PTPRT: variants seen among roughly 807,000 people sequenced by gnomAD.
PTPRT encodes protein tyrosine phosphatase receptor type T, also known as receptor-type tyrosine-protein phosphatase T.
PTPRT carries 56 observed loss-of-function variants against 176.8 expected under a neutral mutation model. That is an observed-to-expected ratio of 0.32 (90% CI 0.26 to 0.40). The LOEUF is 0.40. Among genes scored for constraint, PTPRT ranks in the 10% least tolerant of loss-of-function variants. PTPRT has a pLI of 1.00. For missense variants in PTPRT, 1,540 were observed against 1,908.2 expected (o/e 0.81, Z 3.60); for synonymous variants, 783 against 739.0 (o/e 1.06, Z -0.96).
chr20:42,883,540 T>C (rs2079037595), intron 2 of PTPRT, among the ~76,000 whole-genome samples: 1 of 151,824 alleles, frequency 6.6e-6, no homozygotes, highest in Non-Finnish European at 1.5e-5. Context: ...TTTGGAGATG[T>C]TGAGCTTGGA....
intron 1 of PTPRT, among the ~76,000 whole-genome samples, chr20:42,949,561 G>A (rs1301357674): frequency 2.6e-5 from 4 of 152,194 alleles, no homozygotes; most frequent in African/African-American, 9.7e-5. Context: ...GGATTCATTT[G>A]AGCTGGCCAG....
At chr20:42,838,842 C>G (rs2078227045) in intron 2 of PTPRT, among the ~76,000 whole-genome samples, 1 of 152,146 alleles carries the variant, frequency 6.6e-6, no homozygotes, top group Non-Finnish European at 1.5e-5. Flanking sequence ...CCAGCCGTGT[C>G]CCCCGCTCAT....
At chr20:42,314,884 G>T (rs2057693115) in intron 12 of PTPRT, among the ~76,000 whole-genome samples, 1 of 152,006 alleles carries the variant, frequency 6.6e-6, no homozygotes, top group Non-Finnish European at 1.5e-5. Flanking sequence ...CTACCTCAGA[G>T]ATAAATGAGT....
At chr20:43,186,930 G>T (rs958160278) in intron 1 of PTPRT, among the ~76,000 whole-genome samples, 4 of 152,174 alleles carry the variant, frequency 2.6e-5, no homozygotes, top group African/African-American at 9.7e-5. Flanking sequence ...ACTAGTAAAT[G>T]AATTCATTAT....
At chr20:42,333,012 T>C (rs1342770648) in intron 11 of PTPRT, among the ~76,000 whole-genome samples, 1 of 152,250 alleles carries the variant, frequency 6.6e-6, no homozygotes, top group Non-Finnish European at 1.5e-5. Context: ...AGTTTACTGA[T>C]ATTTCATTGC....
At chr20:42,104,505 T>C (rs920983320) in intron 25 of PTPRT, 64 bp downstream of exon 25, 33 of 1,490,408 alleles carry the variant, frequency 2.2e-5, no homozygotes, top group Middle Eastern at 1.7e-4. Context: ...ACCCAATCTA[T>C]GGAAATTTGT....
Position 43,122,850 on chromosome 20 carries a change from T to TTTG in PTPRT, c.88+66793_88+66795dup, listed in dbSNP as rs533341655. On this transcript the variant is annotated intron_variant, in intron 1 of 30. Transcript: ENST00000373187. ...CAGGCCCAGGTTTTGTTTTGTTTTG[T>TTTG]TTGTTGTTGTTGTTGTTTTTGAGAT... is the stretch of plus-strand genomic sequence containing the variant. Among the ~76,000 whole-genome samples, 24 of 152,236 alleles carry TTTG rather than the reference T, an allele frequency of 1.6e-4. No individual in the cohort carries two copies. The South Asian group carries it at 3.5e-3, about 22-fold the overall frequency.
chr20:43,121,890 T>C (rs75013301), intron 1 of PTPRT, among the ~76,000 whole-genome samples: 2,806 of 152,292 alleles, frequency 0.018, 74 homozygotes, highest in African/African-American at 0.062. Flanking sequence ...TCATCTCACA[T>C]AAAGTGTTCT....
intron 11 of PTPRT, among the ~76,000 whole-genome samples, chr20:42,317,029 C>T (rs2057730817): frequency 6.6e-6 from 1 of 152,182 alleles, no homozygotes; most frequent in African/African-American, 2.4e-5. Context: ...ATTCTCCACC[C>T]CCACCCCATA....
At chr20:42,177,117 G>A (rs1225970616) in intron 16 of PTPRT, among the ~76,000 whole-genome samples, 1 of 152,190 alleles carries the variant, frequency 6.6e-6, no homozygotes, top group African/African-American at 2.4e-5. Flanking sequence ...TTAGACCAAT[G>A]CTTCTCAAGG....
intron 4 of PTPRT, among the ~76,000 whole-genome samples, chr20:42,775,091 G>A (rs1248463277): frequency 1.3e-5 from 2 of 152,144 alleles, no homozygotes; most frequent in Non-Finnish European, 2.9e-5. Flanking sequence ...TCGGCTCGTG[G>A]TTCTAAGCAT....
chr20:42,360,342 G>A (rs2058416422), intron 9 of PTPRT, among the ~76,000 whole-genome samples: 3 of 152,160 alleles, frequency 2.0e-5, no homozygotes, highest in African/African-American at 7.2e-5. Flanking sequence ...TCACATGAGA[G>A]GGATATTCTG....
intron 12 of PTPRT, among the ~76,000 whole-genome samples, chr20:42,300,665 G>A (rs919376675): frequency 6.6e-6 from 1 of 151,682 alleles, no homozygotes; most frequent in East Asian, 1.9e-4. Context: ...GGGGAGAAAG[G>A]AGAACTCATC....
the PTPRT span, among the ~76,000 whole-genome samples, chr20:42,040,778 C>A: frequency 0.015 from 2,313 of 152,310 alleles, 30 homozygotes; most frequent in Middle Eastern, 0.054. Context: ...AAATGCCTTT[C>A]TCACATGCTG....
In PTPRT at chr20:43,001,855, A is replaced by AAAAC. The variant is rs142757616; in HGVS notation, c.89-115927_89-115924dup. Reference sequence around the variant, plus strand: ...TGGATTACACAGTATCAAACATTGTAAAACAAACAAACAAACAAACAAACA... The same window carrying AAAAC: ...TGGATTACACAGTATCAAACATTGTAAAACAAACAAACAAACAAACAAACAAACA... On this transcript the variant is annotated intron_variant, in intron 1 of 30. Transcript: ENST00000373187. 1.1e-3 allele frequency among the ~76,000 whole-genome samples: 167 copies of AAAAC among 150,994 alleles called. 1 individual carries two copies. In the East Asian group the frequency reaches 0.015, roughly 14 times the overall value.
intron 1 of PTPRT, among the ~76,000 whole-genome samples, chr20:43,160,219 G>A (rs1229596709): frequency 2.0e-5 from 3 of 152,082 alleles, no homozygotes; most frequent in Non-Finnish European, 4.4e-5. Context: ...TGGTGTCCTG[G>A]GAAAACTGAG....
At chr20:42,637,553 C>T (rs2074633001) in intron 7 of PTPRT, among the ~76,000 whole-genome samples, 1 of 152,286 alleles carries the variant, frequency 6.6e-6, no homozygotes, top group Admixed American at 6.5e-5. Context: ...TGCAGAGAAG[C>T]TTTCCATAAC....
chr20:43,067,811 T>A (rs1276019107), intron 1 of PTPRT, among the ~76,000 whole-genome samples: 1 of 148,970 alleles, frequency 6.7e-6, no homozygotes, highest in Admixed American at 6.7e-5. Flanking sequence ...TAAAACTTTT[T>A]AAAAAATAGC....
chr20:42,037,621 A>T, the PTPRT span, among the ~76,000 whole-genome samples: 1,359 of 152,300 alleles, frequency 8.9e-3, 21 homozygotes, highest in African/African-American at 0.031. Context: ...GGGAAAGTCC[A>T]GCTGAGAGAG....
Sources: gnomAD v4.1 joint callset for allele counts (sites outside exome capture counted in the v4.1 genomes callset) on GRCh38, gnomAD v4.1.1 for gene constraint, MANE v1.5 for transcripts, NCBI Gene and HGNC (gene_info 2026-07-23, HGNC 2026-07-21) for gene names.